Variants in CDS2 observed in about 807,000 individuals in gnomAD.
The protein encoded by CDS2 is CDP-diacylglycerol synthase 2.
In CDS2, 47 loss-of-function variants were observed where a neutral mutation model predicts 59.0. The observed-to-expected ratio is 0.80, with a 90% CI of 0.63 to 1.02. The LOEUF (loss-of-function observed/expected upper bound fraction) is 1.02, where lower values mean the gene tolerates loss of function less well. Among genes scored for constraint, CDS2 ranks in the 50% least tolerant of loss-of-function variants. The pLI is 0.00. For missense variants in CDS2, 356 were observed against 558.9 expected (o/e 0.64, Z 3.66); for synonymous variants, 207 against 206.4 (o/e 1.00, Z -0.02).
chr20:5,173,617 C>T lies in CDS2; in HGVS notation c.152C>T (p.Thr51Ile). 1 of 1,614,200 alleles carries T rather than the reference C, an allele frequency of 6.2e-7. No homozygotes were observed. The highest frequency in any genetic ancestry group is 8.5e-7 in the Non-Finnish European group (1 of 1,180,026). Reference protein sequence around the residue: ...SAPLPVSADDTPEVLNRALSN... With the variant: ...SAPLPVSADDIPEVLNRALSN... ...CCCCTGCCAGTCTCTGCAGATGATA[C>T]CCCGGAGGTCCTCAATAGGGCCCTT... is the stretch of plus-strand genomic sequence containing the variant. The change falls in exon 2 of 13, where the codon ACC becomes ATC. Residue 51 changes from threonine (T) to isoleucine (I), a missense_variant. Transcript: ENST00000460006.
intron 1 of CDS2, among the ~76,000 whole-genome samples, chr20:5,145,949 G>T (rs1291568577): frequency 2.6e-5 from 4 of 151,694 alleles, no homozygotes; most frequent in African/African-American, 4.8e-5. Context: ...TCAGCCTATG[G>T]AGGATCTGGA....
At chr20:5,175,553 T>C in intron 3 of CDS2, 1 of 296,572 alleles carries the variant, frequency 3.4e-6, no homozygotes, top group Non-Finnish European at 6.5e-6. Flanking sequence ...TTTGTGAGGC[T>C]GAGGTGGGCG....
intron 1 of CDS2, among the ~76,000 whole-genome samples, chr20:5,162,770 C>T: frequency 6.6e-6 from 1 of 152,028 alleles, no homozygotes; most frequent in South Asian, 2.1e-4. Flanking sequence ...ACTTCAAAGT[C>T]ACAGGAGACT....
At position 5,130,787 on chromosome 20, in the gene CDS2, TAAAAG is replaced by T. The variant is rs1290346809; in HGVS notation, c.57+3649_57+3653del. 3.8e-4 allele frequency among the ~76,000 whole-genome samples: 52 copies of T among 136,518 alleles called. 1 individual carries two copies. The highest frequency in any genetic ancestry group is 1.4e-3 in the African/African-American group (50 of 36,104). The allele number at this position is 136,518 out of a possible 152,430, so 89.6% of individuals were successfully genotyped here. ...GGGCAACAAGAGCCAAACAACGTCT[TAAAAG>T]AAAAGAAAAGCTCTGGAGGCTGGGC... On this transcript the variant is annotated intron_variant, in intron 1 of 12. Coordinates refer to ENST00000460006, the MANE Select transcript of CDS2 (RefSeq NM_003818.4).
intron 1 of CDS2, among the ~76,000 whole-genome samples, chr20:5,169,589 A>T (rs2090939878): frequency 6.6e-6 from 1 of 152,228 alleles, no homozygotes; most frequent in South Asian, 2.1e-4. Context: ...CGTGTCTGAC[A>T]TGTATATGGT....
rs1306544597 is a variant in CDS2 at position 5,186,684 on chromosome 20, C to T, written c.829-3C>T. The T allele has an allele frequency of 1.2e-6, 2 of 1,613,938 alleles. No individual in the cohort carries two copies. Among genetic ancestry groups the T allele is most frequent in the African/African-American group, 1.3e-5 (1 of 74,900 alleles). ...TGCCGGTCTCTCTGTTATTCCTCCT[C>T]AGCTGTCCTATGTGATGTCCGGGTA... is the stretch of plus-strand genomic sequence containing the variant. On this transcript the variant is annotated splice_polypyrimidine_tract_variant and splice_region_variant and intron_variant, in intron 9 of 12. Coordinates refer to ENST00000460006, the MANE Select transcript of CDS2 (RefSeq NM_003818.4).
intron 2 of CDS2, among the ~76,000 whole-genome samples, chr20:5,174,173 G>T (rs1288747498): frequency 6.6e-6 from 1 of 152,150 alleles, no homozygotes; most frequent in Non-Finnish European, 1.5e-5. Flanking sequence ...TGAGAACCTG[G>T]TTCTTTTAAC....
intron 10 of CDS2, among the ~76,000 whole-genome samples, chr20:5,188,081 T>TGTG (rs3056125): frequency 6.6e-6 from 1 of 151,776 alleles, no homozygotes; most frequent in East Asian, 1.9e-4. Context: ...TGTGTGTGTG[T>TGTG]TGATCACATG....
In CDS2 at chr20:5,196,731, T is replaced by G. The variant is rs897338545; in HGVS notation, c.*6497T>G. 1.2e-4 allele frequency: 18 copies of G among 152,294 alleles called. No individual in the cohort carries two copies. Among genetic ancestry groups the G allele is most frequent in the Non-Finnish European group, 2.6e-4 (18 of 68,054 alleles). 9.4% of individuals were successfully genotyped at this position (152,294 alleles called of 1,614,324 possible). A position where few individuals can be genotyped will look rare whatever the true frequency, so the allele number is the denominator to read the frequency against. ...GAGTGTCCTTTGGGTGCTGTTTCTTTTAAATCCTCTGTGCACAGGGCTCTG... is the reference window on the plus strand; with the variant it reads ...GAGTGTCCTTTGGGTGCTGTTTCTTGTAAATCCTCTGTGCACAGGGCTCTG... On this transcript the variant is annotated 3_prime_UTR_variant, in exon 13 of 13. Coordinates refer to ENST00000460006, the MANE Select transcript of CDS2 (RefSeq NM_003818.4).
At chr20:5,187,160 C>G in intron 10 of CDS2, 2 of 278,720 alleles carry the variant, frequency 7.2e-6, no homozygotes, top group Admixed American at 4.2e-5. Flanking sequence ...ACATTATTTT[C>G]CTTTTTCAAT....
chr20:5,163,122 T>A (rs186065070), intron 1 of CDS2, among the ~76,000 whole-genome samples: 1 of 152,164 alleles, frequency 6.6e-6, no homozygotes, highest in Non-Finnish European at 1.5e-5. Context: ...AGCGTGAGGA[T>A]CACTTGAGGC....
Position 5,134,865 on chromosome 20 carries a change from C to CT in CDS2, c.57+7717dup, listed in dbSNP as rs373287085. 1.7e-3 allele frequency among the ~76,000 whole-genome samples: 257 copies of CT among 152,176 alleles called. 1 individual carries two copies. The highest frequency in any genetic ancestry group is 5.7e-3 in the African/African-American group (235 of 41,508). On this transcript the variant is annotated intron_variant, in intron 1 of 12. Transcript: ENST00000460006. The stretch of plus-strand genomic sequence containing the variant: ...TAAGGTAGAAAATGAGCATGAGAGT[C>CT]TAACAGCTGATGGATATGGGAACAT...
chr20:5,150,901 G>C (rs1232684214), intron 1 of CDS2, among the ~76,000 whole-genome samples: 1 of 152,202 alleles, frequency 6.6e-6, no homozygotes, highest in Non-Finnish European at 1.5e-5. Context: ...TAGGGTTCCT[G>C]GCAGAAGGGC....
intron 5 of CDS2, among the ~76,000 whole-genome samples, chr20:5,179,754 G>A (rs1376492003): frequency 6.6e-6 from 1 of 152,192 alleles, no homozygotes; most frequent in Non-Finnish European, 1.5e-5. Context: ...AAACTGCAGG[G>A]TTACTGTGAG....
chr20:5,139,033 T>C (rs561554605), intron 1 of CDS2, among the ~76,000 whole-genome samples: 1 of 152,228 alleles, frequency 6.6e-6, no homozygotes, highest in South Asian at 2.1e-4. Flanking sequence ...CAAAACAACA[T>C]GGTATTGGCA....
At chr20:5,190,040 T>G in intron 12 of CDS2, 62 bp from the exon 13 acceptor site, 1 of 1,587,596 alleles carries the variant, frequency 6.3e-7, no homozygotes, top group Non-Finnish European at 8.6e-7. Context: ...GCCACTCAGA[T>G]AATCAGGCCC....
intron 1 of CDS2, among the ~76,000 whole-genome samples, chr20:5,137,235 C>CCT (rs2090656071): frequency 6.9e-6 from 1 of 145,210 alleles, no homozygotes; most frequent in Admixed American, 7.1e-5. Flanking sequence ...TGTCACCCTC[C>CCT]CTCATTTCTA....
chr20:5,189,687 G>T (rs1202329160), intron 11 of CDS2, 48 bp from the exon 12 acceptor site: 12 of 1,421,762 alleles, frequency 8.4e-6, no homozygotes, highest in Non-Finnish European at 1.1e-5. Flanking sequence ...GCTGGGATTG[G>T]TTAGTGGCTG....
intron 1 of CDS2, among the ~76,000 whole-genome samples, chr20:5,154,636 T>A (rs1347543289): frequency 6.9e-6 from 1 of 143,988 alleles, no homozygotes; most frequent in Non-Finnish European, 1.6e-5. Flanking sequence ...AGGACAGATG[T>A]CTTTTTGTTT....
Sources: allele counts gnomAD v4.1 joint callset (sites outside exome capture counted in the v4.1 genomes callset), GRCh38; gene constraint gnomAD v4.1.1; transcripts MANE v1.5; gene names NCBI Gene and HGNC (gene_info 2026-07-23, HGNC 2026-07-21).